KAT5: variants seen among roughly 807,000 people sequenced by gnomAD.
KAT5 encodes lysine acetyltransferase 5, also known as histone acetyltransferase KAT5.
A neutral mutation model predicts 68.1 loss-of-function variants in KAT5; 31 were observed. The ratio of observed to expected loss-of-function variants is 0.46; its 90% CI spans 0.34 to 0.61. The LOEUF is 0.61. Among genes scored for constraint, KAT5 ranks in the 20% least tolerant of loss-of-function variants. The pLI, the probability that KAT5 is intolerant of heterozygous loss-of-function variation, is 0.01. For synonymous variants in KAT5, 365 were observed against 292.6 expected, an observed-to-expected ratio of 1.25 and a Z score of -2.52; for missense variants, 451 against 725.5, an observed-to-expected ratio of 0.62 and a Z score of 4.35.
chr11:65,712,846 G>C lies in KAT5; in HGVS notation c.247+12G>C. The C allele has an allele frequency of 6.2e-7, 1 of 1,614,134 alleles. No individual in the cohort carries two copies. Among genetic ancestry groups the C allele is most frequent in the South Asian group, 1.1e-5 (1 of 91,086 alleles). ...CCATTACATTGACTGTGAGTTCTGG[G>C]CCTGAGGTGGGGCATCAGGGTAGGG... On this transcript the variant is annotated intron_variant, in intron 2 of 12. Transcript: ENST00000341318.
chr11:65,718,575 G>C lies in KAT5; in HGVS notation c.1265-15G>C. 2 of 1,611,354 alleles carry C rather than the reference G, an allele frequency of 1.2e-6. No individual in the cohort carries two copies. The highest frequency in any genetic ancestry group is 1.7e-6 in the Non-Finnish European group (2 of 1,178,182). On this transcript the variant is annotated splice_polypyrimidine_tract_variant and intron_variant, in intron 10 of 12. Coordinates refer to ENST00000341318, the MANE Select transcript of KAT5 (RefSeq NM_182710.3). ...TGTGACCTCTTACTCACCCTCTCCT[G>C]CTCCATTGCTTTAGGCTATGAACTC...
At chr11:65,716,415 G>A in intron 8 of KAT5, 1 of 530,186 alleles carries the variant, frequency 1.9e-6, no homozygotes. Context: ...GAGCAAGGCG[G>A]GAAACTTGCC....
At chr11:65,713,973 A>C in intron 6 of KAT5, 125 bp downstream of exon 6, 6 of 867,062 alleles carry the variant, frequency 6.9e-6, no homozygotes, top group Non-Finnish European at 1.1e-5. Flanking sequence ...TGTTGGTGGG[A>C]TTAGGAGACA....
At position 65,713,628 on chromosome 11, in the gene KAT5, A is replaced by G; in HGVS notation, c.576A>G (p.Pro192=). The change falls in exon 5 of 13, where the codon CCA becomes CCG. Residue 192 remains proline, a synonymous_variant. Transcript: ENST00000341318. ...RKVEVVSPAT[P]VPSETAPASV... The stretch of plus-strand genomic sequence containing the variant: ...TGGAGGTGGTTTCACCAGCAACTCC[A>G]GTGCCCAGCGAGACAGCCCCGGCCT... 3 of 1,614,046 alleles carry G rather than the reference A, an allele frequency of 1.9e-6. No individual in the cohort carries two copies. Among genetic ancestry groups the G allele is most frequent in the Non-Finnish European group, 2.5e-6 (3 of 1,179,990 alleles).
At chr11:65,717,031 C>T (rs1271751071) in intron 10 of KAT5, 49 bp downstream of exon 10, 4 of 1,400,712 alleles carry the variant, frequency 2.9e-6, no homozygotes, top group East Asian at 4.6e-5. Context: ...CTATCGGTGC[C>T]TCACAGGCAG....
At chr11:65,713,160 C>A (rs75800300) in intron 3 of KAT5, 102 bp downstream of exon 3, 7 of 1,478,754 alleles carry the variant, frequency 4.7e-6, no homozygotes, top group East Asian at 2.3e-5. Flanking sequence ...TCCCTCTCAC[C>A]CTGACTTCAT....
chr11:65,718,173 T>C (rs1857267767), intron 10 of KAT5: 1 of 162,176 alleles, frequency 6.2e-6, no homozygotes, highest in East Asian at 1.8e-4. Flanking sequence ...AGGAGGACTT[T>C]GAGAATTCAA....
intron 1 of KAT5, 46 bp from the exon 2 acceptor site, chr11:65,712,720 T>C (rs1048625075): frequency 1.2e-5 from 20 of 1,605,204 alleles, no homozygotes; most frequent in Non-Finnish European, 1.6e-5. Flanking sequence ...GGGTGGAGTC[T>C]CATAGCCTGG....
intron 8 of KAT5, chr11:65,716,243 A>T (rs1355198157): frequency 5.6e-6 from 1 of 177,482 alleles, no homozygotes; most frequent in Non-Finnish European, 1.2e-5. Context: ...GACTCCCAAG[A>T]CTGTTAGATA....
In KAT5 at chr11:65,712,291, G is replaced by A; in HGVS notation, c.24G>A (p.Val8=). The A allele has an allele frequency of 6.9e-7, 1 of 1,445,828 alleles. No homozygotes were observed. The allele number at this position is 1,445,828 out of a possible 1,614,324, so 89.6% of individuals were successfully genotyped here. ...AGATGGCGGAGGTGGTGAGTCCGGTGCCCGGGGCGGGGCGGAGGGAGCCAG... is the reference window on the plus strand; with the variant it reads ...AGATGGCGGAGGTGGTGAGTCCGGTACCCGGGGCGGGGCGGAGGGAGCCAG... MAEVVSP[V]PGAGRREPGE... The change falls in exon 1 of 13, where the codon GTG becomes GTA. Residue 8 remains valine, a synonymous_variant. Coordinates refer to ENST00000341318, the MANE Select transcript of KAT5 (RefSeq NM_182710.3).
Position 65,717,298 on chromosome 11 carries a change from T to G in KAT5, c.1264+316T>G. The stretch of plus-strand genomic sequence containing the variant: ...GGTTAGTGAGCCGCTGGTGCTGATG[T>G]ATCTGGTAACGTGTGCCATGATACG... On this transcript the variant is annotated intron_variant, in intron 10 of 12. Transcript: ENST00000341318. 8.4e-6 allele frequency: 4 copies of G among 474,652 alleles called. No individual in the cohort carries two copies. In the South Asian group the frequency reaches 8.9e-5, roughly 11 times the overall value. 29.4% of individuals were successfully genotyped at this position (474,652 alleles called of 1,614,324 possible). A position where few individuals can be genotyped will look rare whatever the true frequency, so the allele number is the denominator to read the frequency against.
intron 8 of KAT5, among the ~76,000 whole-genome samples, chr11:65,715,631 G>T (rs1274089209): frequency 6.6e-6 from 1 of 151,894 alleles, no homozygotes; most frequent in Non-Finnish European, 1.5e-5. Context: ...CGTGGTGGCG[G>T]GTGCCTGTAA....
rs1298927961 is a variant in KAT5 at position 65,713,407 on chromosome 11, C to T, written c.444C>T (p.Arg148=). Reference sequence around the variant, plus strand: ...CAATCCCGGTCCAGATCACACTCCGCTTCAACCTGCCCAAGGAGCGGGAGG... The same window carrying T: ...CAATCCCGGTCCAGATCACACTCCGTTTCAACCTGCCCAAGGAGCGGGAGG... The part of the protein sequence containing the change: ...TLPIPVQITL[R]FNLPKEREAI... Residue 148 remains arginine (R), a synonymous_variant, in exon 4 of 13, where the codon CGC becomes CGT. Transcript: ENST00000341318. The T allele has an allele frequency of 6.2e-7, 1 of 1,614,104 alleles. No individual in the cohort carries two copies.
intron 6 of KAT5, 106 bp from the exon 7 acceptor site, chr11:65,714,389 T>G (rs1857128728): frequency 7.6e-7 from 1 of 1,312,530 alleles, no homozygotes; most frequent in African/African-American, 1.5e-5. Flanking sequence ...TACCTCCCCC[T>G]TAGGGTTGCT....
At chr11:65,716,630 G>A in intron 8 of KAT5, 37 bp from the exon 9 acceptor site, 1 of 1,604,484 alleles carries the variant, frequency 6.2e-7, no homozygotes. Flanking sequence ...GCTCAAGGCG[G>A]GATACCCAGA....
In KAT5 at chr11:65,712,359, G is replaced by C. The variant is rs762630512; in HGVS notation, c.92G>C (p.Gly31Ala). 6 of 1,542,448 alleles carry C rather than the reference G, an allele frequency of 3.9e-6. No individual in the cohort carries two copies. In the South Asian group the frequency reaches 6.3e-5, roughly 16 times the overall value. The change falls in exon 1 of 13, where the codon GGC (glycine) becomes GCC (alanine). Residue 31 changes from glycine (G) to alanine (A), a missense_variant. Around this residue, in one of 4 missense-constraint regions of KAT5, gnomAD observed 104 missense variants for 107.3 expected, o/e 0.97. Coordinates refer to ENST00000341318, the MANE Select transcript of KAT5 (RefSeq NM_182710.3). ...CGAGGCCCCCCAGTAGCCGACCCTG[G>C]CGTCGCGCTGTCTCCCCAGGGGGAG... ...RARGPPVADPGVALSPQGEII... is the reference protein window; with the variant it reads ...RARGPPVADPAVALSPQGEII...
At chr11:65,713,098 C>G in intron 3 of KAT5, 40 bp downstream of exon 3, 1 of 1,610,314 alleles carries the variant, frequency 6.2e-7, no homozygotes, top group Non-Finnish European at 8.5e-7. Flanking sequence ...CTCCTGCCTC[C>G]TATTTCTCTT....
At position 65,713,498 on chromosome 11, in the gene KAT5, T is replaced by A. The variant is rs1190506289; in HGVS notation, c.535T>A (p.Ser179Thr). 1.9e-6 allele frequency: 3 copies of A among 1,613,988 alleles called. No individual in the cohort carries two copies. Among genetic ancestry groups the A allele is most frequent in the Non-Finnish European group, 2.5e-6 (3 of 1,180,022 alleles). The stretch of plus-strand genomic sequence containing the variant: ...CTCCTGCCTGCAGCCCAACCACCGC[T>A]CAACGGTACCCTCAGCAATTCCAGG... ...SSSCLQPNHR[S>T]TKRKVEVVSP... Residue 179 changes from serine to threonine, a missense_variant, in exon 4 of 13, where the codon TCA becomes ACA. Ser to Thr is a moderately conservative substitution (Grantham distance 58). This residue lies in a region of KAT5 where 135 missense variants were observed against 173.4 expected (regional missense o/e 0.78). Transcript: ENST00000341318.
Position 65,719,073 on chromosome 11 carries a change from G to C in KAT5, c.1533G>C (p.Glu511Asp). ...YKGQYILTLSEDIVDGHERAM... is the reference protein window; with the variant it reads ...YKGQYILTLSDDIVDGHERAM... Reference sequence around the variant, plus strand: ...GCCAGTACATCCTCACACTGTCAGAGGACATCGTGGATGGCCATGAGCGGG... The same window carrying C: ...GCCAGTACATCCTCACACTGTCAGACGACATCGTGGATGGCCATGAGCGGG... The change falls in exon 13 of 13, where the codon GAG (glutamate) becomes GAC (aspartate). Residue 511 changes from glutamate to aspartate, a missense_variant. Glu to Asp is a conservative substitution (Grantham distance 45, BLOSUM62 2). Coordinates refer to ENST00000341318, the MANE Select transcript of KAT5 (RefSeq NM_182710.3). 3 of 1,614,170 alleles carry C rather than the reference G, an allele frequency of 1.9e-6. No individual in the cohort carries two copies. Among genetic ancestry groups the C allele is most frequent in the Non-Finnish European group, 2.5e-6 (3 of 1,180,016 alleles).
Sources: gnomAD v4.1 joint callset for allele counts (sites outside exome capture counted in the v4.1 genomes callset) on GRCh38, gnomAD v4.1.1 for gene constraint, gnomAD v4.1.1 regional missense constraint, MANE v1.5 for transcripts, NCBI Gene and HGNC (gene_info 2026-07-23, HGNC 2026-07-21) for gene names.